EPHA6: variants seen among roughly 807,000 people sequenced by gnomAD.
EPHA6 encodes the protein EPH receptor A6, also known as ephrin type-A receptor 6.
In EPHA6, 50 loss-of-function variants were observed where a neutral mutation model predicts 112.0. The observed-to-expected ratio is 0.45, with a 90% CI of 0.36 to 0.56. The LOEUF (loss-of-function observed/expected upper bound fraction) is 0.56. Among genes scored for constraint, EPHA6 ranks in the 20% least tolerant of loss-of-function variants. The probability of loss-of-function intolerance (pLI) is 0.00; values close to 1 mark genes in which losing one functional copy is unlikely to be tolerated. For missense variants in EPHA6, 1,280 were observed against 1,417.4 expected (o/e 0.90, Z 1.56); for synonymous variants, 529 against 490.7 (o/e 1.08, Z -1.03).
At chr3:96,895,326 G>A (rs1489974051) in intron 2 of EPHA6, among the ~76,000 whole-genome samples, 1 of 151,782 alleles carries the variant, frequency 6.6e-6, no homozygotes, top group Non-Finnish European at 1.5e-5. Flanking sequence ...AAAGAAAAAA[G>A]TATTTTTGAA....
At chr3:97,553,275 T>C (rs557417862) in intron 11 of EPHA6, among the ~76,000 whole-genome samples, 14 of 152,234 alleles carry the variant, frequency 9.2e-5, no homozygotes, top group Middle Eastern at 3.4e-3. Flanking sequence ...CCAATCTCTC[T>C]GTTGCTTTGG....
At chr3:97,719,833 C>G (rs930626058) in intron 14 of EPHA6, among the ~76,000 whole-genome samples, 1 of 152,048 alleles carries the variant, frequency 6.6e-6, no homozygotes, top group African/African-American at 2.4e-5. Context: ...TGTTTCCGTT[C>G]TGTATTTAAG....
At chr3:96,990,206 G>A (rs749759797) in intron 3 of EPHA6, among the ~76,000 whole-genome samples, 6 of 151,994 alleles carry the variant, frequency 3.9e-5, no homozygotes, top group Admixed American at 6.6e-5. Context: ...GTAACCAACC[G>A]TGATGTCTAG....
chr3:97,635,070 C>A (rs535823511), intron 13 of EPHA6, among the ~76,000 whole-genome samples: 2 of 151,842 alleles, frequency 1.3e-5, no homozygotes, highest in African/African-American at 4.8e-5. Context: ...AGTTTTGTAC[C>A]ATTTGTGCAA....
chr3:97,325,444 C>T (rs908879528), intron 5 of EPHA6, among the ~76,000 whole-genome samples: 2 of 152,094 alleles, frequency 1.3e-5, no homozygotes, highest in African/African-American at 4.8e-5. Context: ...ACAGCAGTGA[C>T]ATTGGATTAG....
intron 2 of EPHA6, among the ~76,000 whole-genome samples, chr3:96,965,949 A>T (rs1044859407): frequency 1.3e-5 from 2 of 152,078 alleles, no homozygotes; most frequent in Non-Finnish European, 2.9e-5. Context: ...CTTCTCATGT[A>T]AACATGGTCT....
chr3:97,444,390 T>A (rs867635295), intron 6 of EPHA6, among the ~76,000 whole-genome samples: 1 of 151,994 alleles, frequency 6.6e-6, no homozygotes, highest in East Asian at 1.9e-4. Flanking sequence ...AGATGAGGAA[T>A]GATGACAATG....
intron 3 of EPHA6, among the ~76,000 whole-genome samples, chr3:97,178,660 T>C (rs1308774376): frequency 6.6e-6 from 1 of 152,194 alleles, no homozygotes; most frequent in South Asian, 2.1e-4. Context: ...ACTCTTCATA[T>C]GTCATGCCAC....
chr3:96,859,675 C>G (rs1451908584), intron 1 of EPHA6, among the ~76,000 whole-genome samples: 1 of 152,080 alleles, frequency 6.6e-6, no homozygotes, highest in Admixed American at 6.6e-5. Flanking sequence ...ATTTAGCAGA[C>G]ATTTCCTGTA....
chr3:96,938,583 A>T (rs1327634979), intron 2 of EPHA6, among the ~76,000 whole-genome samples: 1 of 152,094 alleles, frequency 6.6e-6, no homozygotes, highest in Non-Finnish European at 1.5e-5. Context: ...CTCTTTTCCT[A>T]ATTGAATACT....
At chr3:96,924,221 C>G (rs916085668) in intron 2 of EPHA6, among the ~76,000 whole-genome samples, 1 of 152,140 alleles carries the variant, frequency 6.6e-6, no homozygotes, top group Non-Finnish European at 1.5e-5. Context: ...AGCCTTGAAT[C>G]TATAAATTGC....
Position 96,987,720 on chromosome 3 carries a change from G to T in EPHA6, c.841G>T (p.Ala281Ser). The change falls in exon 3 of 18, where the codon GCT becomes TCT. Residue 281 changes from alanine (A) to serine (S), a missense_variant. By Grantham distance (99) the Ala-to-Ser change is moderately conservative (BLOSUM62 1). This residue lies in a region of EPHA6 where 878 missense variants were observed against 999.7 expected (regional missense o/e 0.88). Transcript: ENST00000389672. ...GPIERKGFYL[A>S]FQDIGACIAL... Reference sequence around the variant, plus strand: ...TATAGAAAGGAAAGGATTTTATCTGGCTTTTCAAGACATTGGGGCGTGCAT... The same window carrying T: ...TATAGAAAGGAAAGGATTTTATCTGTCTTTTCAAGACATTGGGGCGTGCAT... 6.2e-7 allele frequency: 1 copy of T among 1,609,172 alleles called. No individual in the cohort carries two copies. The highest frequency in any genetic ancestry group is 1.1e-5 in the South Asian group (1 of 90,676).
intron 10 of EPHA6, among the ~76,000 whole-genome samples, chr3:97,508,580 T>C (rs2092301948): frequency 1.3e-5 from 2 of 152,194 alleles, no homozygotes; most frequent in South Asian, 4.1e-4. Flanking sequence ...CTTCCAATTA[T>C]GTGGTCAATT....
At chr3:96,939,074 G>A in intron 2 of EPHA6, among the ~76,000 whole-genome samples, 1 of 151,862 alleles carries the variant, frequency 6.6e-6, no homozygotes, top group East Asian at 1.9e-4. Flanking sequence ...TCTCTTTTTT[G>A]GTTGTGTCTC....
At chr3:97,317,488 ATTTATCCTGGAAGTTATAGT>A (rs1397144268) in intron 5 of EPHA6, among the ~76,000 whole-genome samples, 1 of 151,972 alleles carries the variant, frequency 6.6e-6, no homozygotes, top group Non-Finnish European at 1.5e-5. Flanking sequence ...GAGTAACAAA[ATTTATCCTGGAAGTTATAGT>A]TTTATGATTG....
chr3:97,598,251 G>T (rs927887020), intron 12 of EPHA6, among the ~76,000 whole-genome samples: 2 of 150,258 alleles, frequency 1.3e-5, no homozygotes, highest in Non-Finnish European at 3.0e-5. Flanking sequence ...CATCTTTCAG[G>T]TCATTTAGTT....
chr3:97,548,484 T>C (rs927256737), intron 11 of EPHA6, among the ~76,000 whole-genome samples: 2 of 152,224 alleles, frequency 1.3e-5, no homozygotes, highest in Non-Finnish European at 2.9e-5. Context: ...CTCAAACTTT[T>C]GTGCACTAAT....
At chr3:97,060,465 T>G (rs1342173605) in intron 3 of EPHA6, among the ~76,000 whole-genome samples, 1 of 152,188 alleles carries the variant, frequency 6.6e-6, no homozygotes, top group Non-Finnish European at 1.5e-5. Flanking sequence ...GCTACCTCTC[T>G]GAAATTTAGA....
At chr3:97,186,297 A>C (rs948512317) in intron 3 of EPHA6, among the ~76,000 whole-genome samples, 2 of 152,100 alleles carry the variant, frequency 1.3e-5, no homozygotes, top group African/African-American at 2.4e-5. Flanking sequence ...GATTTTTTTA[A>C]GTTGCTGACT....
Sources: allele counts gnomAD v4.1 joint callset (sites outside exome capture counted in the v4.1 genomes callset), GRCh38; gene constraint gnomAD v4.1.1; regional missense constraint gnomAD v4.1.1; transcripts MANE v1.5; gene names NCBI Gene and HGNC (gene_info 2026-07-23, HGNC 2026-07-21).